Variants in PPM1L observed in about 807,000 individuals in gnomAD.
PPM1L encodes the protein protein phosphatase, Mg2+/Mn2+ dependent 1L.
A neutral mutation model predicts 31.4 loss-of-function variants in PPM1L; 13 were observed. The observed-to-expected ratio is 0.41, with a 90% CI of 0.27 to 0.66. The LOEUF is 0.66. Among genes scored for constraint, PPM1L ranks in the 30% least tolerant of loss-of-function variants. The probability of loss-of-function intolerance (pLI) is 0.29; values close to 1 mark genes in which losing one functional copy is unlikely to be tolerated. For missense variants in PPM1L, 326 were observed against 453.7 expected (o/e 0.72, Z 2.56); for synonymous variants, 184 against 175.4 (o/e 1.05, Z -0.39).
intron 1 of PPM1L, among the ~76,000 whole-genome samples, chr3:160,954,924 T>C (rs13095554): frequency 0.23 from 19,458 of 84,280 alleles, 2,532 homozygotes; most frequent in East Asian, 0.46. Flanking sequence ...TCCTTCCTTC[T>C]TTCCTTCCTT....
At chr3:160,863,828 A>G (rs1165342009) in intron 1 of PPM1L, among the ~76,000 whole-genome samples, 1 of 152,226 alleles carries the variant, frequency 6.6e-6, no homozygotes, top group Non-Finnish European at 1.5e-5. Context: ...GGGCTTAATT[A>G]TAGGGTATAC....
rs569513177 is a variant in PPM1L, at chr3:160,756,729, T to G, written c.399+22T>G. The G allele has an allele frequency of 1.9e-6, 3 of 1,604,248 alleles. No individual in the cohort carries two copies. The South Asian group carries it at 3.4e-5, about 18-fold the overall frequency. ...AGAGGTAGGAGCTACCCCGGGGCTT[T>G]GTATTTGTGTCCGTGTATGTCTCGT... On this transcript the variant is annotated intron_variant, in intron 1 of 3. Coordinates refer to ENST00000498165, the MANE Select transcript of PPM1L (RefSeq NM_139245.4). The surrounding 1 kb of genome is among the most constrained non-coding windows in gnomAD (Gnocchi z 6.2).
At chr3:161,052,378 A>G (rs575607264) in intron 2 of PPM1L, among the ~76,000 whole-genome samples, 1 of 152,292 alleles carries the variant, frequency 6.6e-6, no homozygotes, top group South Asian at 2.1e-4. Context: ...GCAGGAAGAG[A>G]GGATTCATGG....
At chr3:160,993,381 T>G (rs1717198198) in intron 2 of PPM1L, among the ~76,000 whole-genome samples, 1 of 152,018 alleles carries the variant, frequency 6.6e-6, no homozygotes, top group Non-Finnish European at 1.5e-5. Context: ...TACAGGAGAT[T>G]TGGGAGGGTT....
intron 1 of PPM1L, among the ~76,000 whole-genome samples, chr3:160,793,581 A>G (rs1423949925): frequency 6.6e-6 from 1 of 152,212 alleles, no homozygotes; most frequent in Non-Finnish European, 1.5e-5. Context: ...TAGAGGATTT[A>G]AAATAAGCTC....
intron 2 of PPM1L, among the ~76,000 whole-genome samples, chr3:160,973,035 CACA>C (rs1232746818): frequency 6.6e-6 from 1 of 152,116 alleles, no homozygotes; most frequent in Non-Finnish European, 1.5e-5. Context: ...TTTAAAAAAT[CACA>C]TTCCCCAACT....
At chr3:160,918,177 C>T (rs531960962) in intron 1 of PPM1L, among the ~76,000 whole-genome samples, 1 of 152,314 alleles carries the variant, frequency 6.6e-6, no homozygotes, top group South Asian at 2.1e-4. Flanking sequence ...TGGTGATTAC[C>T]TGTTTATTTG....
At chr3:160,842,293 G>A (rs1288827799) in intron 1 of PPM1L, 1 of 702,578 alleles carries the variant, frequency 1.4e-6, no homozygotes, top group Admixed American at 2.0e-5. Context: ...TTTTTCAACA[G>A]TGAGTAGATC....
At position 161,005,435 on chromosome 3, in the gene PPM1L, C is replaced by T. The variant is rs373630047; in HGVS notation, c.574+43525C>T. Among the ~76,000 whole-genome samples the T allele has an allele frequency of 4.1e-4, 62 of 152,208 alleles. No individual in the cohort carries two copies. The South Asian group carries it at 0.012, about 30-fold the overall frequency. ...AAAGTGATATGTATTATGAGAGGTA[C>T]AGGTTTTCTGGAGTTTAGGAAAAAG... On this transcript the variant is annotated intron_variant, in intron 2 of 3. Coordinates refer to ENST00000498165, the MANE Select transcript of PPM1L (RefSeq NM_139245.4).
At chr3:160,854,461 C>T (rs1356164134) in intron 1 of PPM1L, among the ~76,000 whole-genome samples, 1 of 152,220 alleles carries the variant, frequency 6.6e-6, no homozygotes, top group East Asian at 1.9e-4. Context: ...ATTCATTGAT[C>T]CTAATCATGG....
intron 1 of PPM1L, among the ~76,000 whole-genome samples, chr3:160,876,582 G>C (rs1302109209): frequency 3.3e-5 from 5 of 152,222 alleles, no homozygotes; most frequent in Admixed American, 3.3e-4. Flanking sequence ...TGTTACTGCA[G>C]ACACTGTGCT....
At chr3:160,949,792 A>C (rs2108096895) in intron 1 of PPM1L, among the ~76,000 whole-genome samples, 1 of 152,322 alleles carries the variant, frequency 6.6e-6, no homozygotes, top group South Asian at 2.1e-4. Context: ...TGTAACGGAG[A>C]TCTGAACATA....
intron 1 of PPM1L, among the ~76,000 whole-genome samples, chr3:160,930,926 ATGGT>A (rs1331711267): frequency 6.6e-6 from 1 of 152,164 alleles, no homozygotes; most frequent in East Asian, 1.9e-4. Context: ...AAGCAAGCAT[ATGGT>A]TAGATAAGTG....
At chr3:160,955,977 G>C (rs933923714) in intron 1 of PPM1L, among the ~76,000 whole-genome samples, 1 of 152,084 alleles carries the variant, frequency 6.6e-6, no homozygotes, top group African/African-American at 2.4e-5. Flanking sequence ...AAGATGAATT[G>C]TGAAACATTT....
At chr3:160,824,030 G>A (rs1185233957) in intron 1 of PPM1L, among the ~76,000 whole-genome samples, 2 of 152,148 alleles carry the variant, frequency 1.3e-5, no homozygotes, top group Non-Finnish European at 1.5e-5. Context: ...AGATATAAAT[G>A]TATGAGTGTG....
intron 1 of PPM1L, among the ~76,000 whole-genome samples, chr3:160,781,060 A>G (rs952903709): frequency 4.6e-5 from 7 of 152,066 alleles, no homozygotes; most frequent in Admixed American, 1.3e-4. Flanking sequence ...TTTACTTTCT[A>G]TGGAAGTACA....
At chr3:161,010,325 C>A (rs867562240) in intron 2 of PPM1L, among the ~76,000 whole-genome samples, 4 of 152,284 alleles carry the variant, frequency 2.6e-5, no homozygotes, top group African/African-American at 9.6e-5. Flanking sequence ...CTACAAAGGA[C>A]ATGAACTCAT....
chr3:160,809,759 G>GCTTATCTGA (rs1213734659), intron 1 of PPM1L, among the ~76,000 whole-genome samples: 1 of 152,034 alleles, frequency 6.6e-6, no homozygotes, highest in Non-Finnish European at 1.5e-5. Flanking sequence ...AATGCCACCT[G>GCTTATCTGA]CTTATCTGAC....
At chr3:160,999,673 A>G (rs1717422141) in intron 2 of PPM1L, among the ~76,000 whole-genome samples, 1 of 152,254 alleles carries the variant, frequency 6.6e-6, no homozygotes, top group Non-Finnish European at 1.5e-5. Context: ...GTAATTCCCC[A>G]GAGTTCAACT....
Sources: gnomAD v4.1 joint callset for allele counts (sites outside exome capture counted in the v4.1 genomes callset) on GRCh38, gnomAD v4.1.1 for gene constraint, Gnocchi (gnomAD v3.1) non-coding constraint, MANE v1.5 for transcripts, NCBI Gene and HGNC (gene_info 2026-07-23, HGNC 2026-07-21) for gene names.